SLC4A7: variants seen among roughly 807,000 people sequenced by gnomAD.
SLC4A7 encodes solute carrier family 4 member 7, also known as sodium bicarbonate cotransporter 3.
In SLC4A7, 51 loss-of-function variants were observed where a neutral mutation model predicts 137.6. The ratio of observed to expected loss-of-function variants is 0.37; its 90% CI spans 0.30 to 0.47. SLC4A7 has a LOEUF of 0.47. Ranked by LOEUF, SLC4A7 falls within the 20% of genes least tolerant of loss-of-function variation. The probability of loss-of-function intolerance (pLI) is 1.00; values close to 1 mark genes in which losing one functional copy is unlikely to be tolerated. For synonymous variants in SLC4A7, 542 were observed against 518.6 expected, an observed-to-expected ratio of 1.05 and a Z score of -0.61; for missense variants, 1,247 against 1,525.4, an observed-to-expected ratio of 0.82 and a Z score of 3.04.
At position 27,434,039 on chromosome 3, in the gene SLC4A7, C is replaced by G; in HGVS notation, c.655G>C (p.Glu219Gln). 2 of 1,613,568 alleles carry G rather than the reference C, an allele frequency of 1.2e-6. No individual in the cohort carries two copies. The highest frequency in any genetic ancestry group is 1.7e-6 in the Non-Finnish European group (2 of 1,179,666). ...TGATGATGTCTCTTCAGAAGAGCTT[C>G]TCTGACATTCTCTCGTATGGACTCG... ...LDESIRENVR[E>Q]ALLKRHHHQN... The change falls in exon 6 of 26, where the codon GAA (glutamate) becomes CAA (glutamine). Residue 219 changes from glutamate (E) to glutamine (Q), a missense_variant. Coordinates refer to ENST00000454389, the MANE Select transcript of SLC4A7 (RefSeq NM_001321103.2).
At chr3:27,434,231 CAAAT>C (rs139066166) in intron 5 of SLC4A7, 127 bp from the exon 6 acceptor site, 90,650 of 587,152 alleles carry the variant, frequency 0.15, 8,014 homozygotes, top group South Asian at 0.28. Flanking sequence ...TATTCTGTCA[CAAAT>C]AATCAATGCA....
intron 5 of SLC4A7, among the ~76,000 whole-genome samples, chr3:27,434,474 G>C (rs1360984860): frequency 1.3e-5 from 2 of 152,058 alleles, no homozygotes; most frequent in Non-Finnish European, 2.9e-5. Flanking sequence ...CCCCAAAACT[G>C]TTCCAGCAGA....
intron 22 of SLC4A7, among the ~76,000 whole-genome samples, chr3:27,386,898 C>T (rs922110810): frequency 1.3e-5 from 2 of 152,058 alleles, no homozygotes; most frequent in Admixed American, 6.5e-5. Flanking sequence ...ATAAGGAGTA[C>T]AACATTACTT....
chr3:27,473,943 T>C (rs2059360898), intron 1 of SLC4A7, among the ~76,000 whole-genome samples: 1 of 151,916 alleles, frequency 6.6e-6, no homozygotes, highest in Non-Finnish European at 1.5e-5. Context: ...ACAGAAAAAA[T>C]ATATAAATGG....
chr3:27,457,089 T>G, intron 1 of SLC4A7: 1 of 221,724 alleles, frequency 4.5e-6, no homozygotes, highest in Non-Finnish European at 7.6e-6. Context: ...ATATGGACAA[T>G]AGCTAGAAAA....
rs1029892180 is a variant in SLC4A7 at position 27,484,205 on chromosome 3, C to A, written c.-79G>T. The stretch of plus-strand genomic sequence containing the variant: ...CTGCTTCTGCCGCTGCCCCTGCCGC[C>A]GCCGCCGAGCCCCCGGCGCGCGAGG... On this transcript the variant is annotated 5_prime_UTR_variant, in exon 1 of 26. Transcript: ENST00000454389. 2.6e-6 allele frequency: 3 copies of A among 1,145,314 alleles called. No homozygotes were observed. Among genetic ancestry groups the A allele is most frequent in the Non-Finnish European group, 3.3e-6 (3 of 909,528 alleles). The allele number at this position is 1,145,314 out of a possible 1,614,324, so 70.9% of individuals were successfully genotyped here.
In SLC4A7 at chr3:27,403,251, C is replaced by A; in HGVS notation, c.2209G>T (p.Ala737Ser). 6.2e-7 allele frequency: 1 copy of A among 1,613,994 alleles called. No homozygotes were observed. Among genetic ancestry groups the A allele is most frequent in the Non-Finnish European group, 8.5e-7 (1 of 1,179,950 alleles). The stretch of plus-strand genomic sequence containing the variant: ...ATGAATATGATGCAAATAAGGGCTG[C>A]AAAAGCCTCTTCTGTAAATCGAGTA... ...YITRFTEEAFAALICIIFIYE... is the reference protein window; with the variant it reads ...YITRFTEEAFSALICIIFIYE... The change falls in exon 15 of 26, where the codon GCA (alanine) becomes TCA (serine). Residue 737 changes from alanine to serine, a missense_variant. Ala to Ser is a moderately conservative substitution (Grantham distance 99, BLOSUM62 1). Transcript: ENST00000454389.
intron 12 of SLC4A7, among the ~76,000 whole-genome samples, chr3:27,410,175 T>C (rs1372508537): frequency 1.3e-5 from 2 of 152,220 alleles, no homozygotes; most frequent in African/African-American, 4.8e-5. Context: ...AAAATCTGTT[T>C]GTACATCAAA....
chr3:27,394,683 A>C lies in SLC4A7; in HGVS notation c.2952T>G (p.Ala984=). Residue 984 remains alanine (A), a synonymous_variant, in exon 20 of 26, where the codon GCT becomes GCG. Coordinates refer to ENST00000454389, the MANE Select transcript of SLC4A7 (RefSeq NM_001321103.2). ...CSVMGLPWFV[A]ATVLSISHVN... is the part of the protein sequence containing the mutation. ...CATGACTTATTGACAACACTGTTGC[A>C]GCCACAAACCATGGAAGTCCCATGA... 6.2e-7 allele frequency: 1 copy of C among 1,614,218 alleles called. No homozygotes were observed. The highest frequency in any genetic ancestry group is 1.1e-5 in the South Asian group (1 of 91,088).
chr3:27,408,358 C>T (rs2053583057), intron 13 of SLC4A7, among the ~76,000 whole-genome samples: 1 of 152,156 alleles, frequency 6.6e-6, no homozygotes, highest in South Asian at 2.1e-4. Context: ...GAGTGACATG[C>T]ACAATTTGTG....
chr3:27,412,608 T>C (rs558032730), intron 11 of SLC4A7, among the ~76,000 whole-genome samples: 1 of 152,280 alleles, frequency 6.6e-6, no homozygotes, highest in South Asian at 2.1e-4. Flanking sequence ...AAATTTCAAT[T>C]TTCAAACTTA....
Position 27,375,292 on chromosome 3 carries a change from T to C in SLC4A7, c.*1472A>G, listed in dbSNP as rs772144751. 2 of 152,058 alleles carry C rather than the reference T, an allele frequency of 1.3e-5. No homozygotes were observed. Among genetic ancestry groups the C allele is most frequent in the African/African-American group, 2.4e-5 (1 of 41,454 alleles). 9.4% of individuals were successfully genotyped at this position (152,058 alleles called of 1,614,324 possible). A position where few individuals can be genotyped will look rare whatever the true frequency, so the allele number is the denominator to read the frequency against. On this transcript the variant is annotated 3_prime_UTR_variant, in exon 26 of 26. Transcript: ENST00000454389. ...TAAAATTTTCATCCTAATAGTGATGTCACCATTTTTGATATTTCTGTGGCT... is the reference window on the plus strand; with the variant it reads ...TAAAATTTTCATCCTAATAGTGATGCCACCATTTTTGATATTTCTGTGGCT...
intron 1 of SLC4A7, among the ~76,000 whole-genome samples, chr3:27,460,604 G>C (rs1487025721): frequency 6.6e-6 from 1 of 152,110 alleles, no homozygotes; most frequent in Non-Finnish European, 1.5e-5. Flanking sequence ...TTATTATCAA[G>C]GGTGTTTTCC....
chr3:27,406,692 G>A (rs1242836688), intron 13 of SLC4A7, among the ~76,000 whole-genome samples: 1 of 152,202 alleles, frequency 6.6e-6, no homozygotes, highest in Non-Finnish European at 1.5e-5. Context: ...ACTTTGGGAA[G>A]CCGAGGTGGG....
chr3:27,471,970 A>G (rs1174558889), intron 1 of SLC4A7, among the ~76,000 whole-genome samples: 1 of 152,182 alleles, frequency 6.6e-6, no homozygotes, highest in African/African-American at 2.4e-5. Flanking sequence ...AATCTTCTCA[A>G]TGAACAGTAT....
chr3:27,470,058 T>A (rs991238999), intron 1 of SLC4A7, among the ~76,000 whole-genome samples: 1 of 152,234 alleles, frequency 6.6e-6, no homozygotes, highest in Non-Finnish European at 1.5e-5. Flanking sequence ...ATTCCATGTA[T>A]CTTATCTTTC....
At chr3:27,455,813 C>T (rs1424529763) in intron 1 of SLC4A7, among the ~76,000 whole-genome samples, 2 of 151,680 alleles carry the variant, frequency 1.3e-5, no homozygotes, top group Admixed American at 1.3e-4. Flanking sequence ...GCGCATAGAG[C>T]GCCACCGCAC....
intron 20 of SLC4A7, 125 bp downstream of exon 20, chr3:27,394,393 C>T (rs2150103657): frequency 2.4e-6 from 2 of 830,090 alleles, no homozygotes; most frequent in Non-Finnish European, 3.8e-6. Context: ...AATTATTTCC[C>T]AAGTAAACTG....
intron 1 of SLC4A7, among the ~76,000 whole-genome samples, chr3:27,455,637 G>C (rs2058357014): frequency 6.8e-6 from 1 of 147,032 alleles, no homozygotes; most frequent in African/African-American, 2.6e-5. Context: ...GCAGTCTTTG[G>C]GAGGCCGAAG....
Sources: allele counts gnomAD v4.1 joint callset (sites outside exome capture counted in the v4.1 genomes callset), GRCh38; gene constraint gnomAD v4.1.1; transcripts MANE v1.5; gene names NCBI Gene and HGNC (gene_info 2026-07-23, HGNC 2026-07-21).